The following BACE1 variants were observed in gnomAD, a reference collection of about 807,000 sequenced individuals.
BACE1 encodes the protein APP beta-secretase.
In BACE1, 21 loss-of-function variants were observed where a neutral mutation model predicts 54.0. The ratio of observed to expected loss-of-function variants is 0.39; its 90% CI spans 0.28 to 0.56. The LOEUF (loss-of-function observed/expected upper bound fraction) is 0.56. Ranked by LOEUF, BACE1 falls within the 20% of genes least tolerant of loss-of-function variation. The probability of loss-of-function intolerance (pLI) is 0.63; values close to 1 mark genes in which losing one functional copy is unlikely to be tolerated. For missense variants in BACE1, 511 were observed against 661.2 expected, an observed-to-expected ratio of 0.77 and a Z score of 2.49; for synonymous variants, 232 against 260.9, an observed-to-expected ratio of 0.89 and a Z score of 1.07.
rs1462750253 is a variant in BACE1, at chr11:117,315,731, G to A, written c.65C>T (p.Thr22Ile). The A allele has an allele frequency of 1.4e-6, 2 of 1,481,230 alleles. No individual in the cohort carries two copies. Among genetic ancestry groups the A allele is most frequent in the Non-Finnish European group, 1.8e-6 (2 of 1,119,460 alleles). 91.8% of individuals were successfully genotyped at this position (1,481,230 alleles called of 1,614,324 possible). Reference protein sequence around the residue: ...MGAGVLPAHGTQHGIRLPLRS... With the variant: ...MGAGVLPAHGIQHGIRLPLRS... ...CAGGGGCAGCCGGATGCCGTGCTGG[G>A]TGCCGTGGGCAGGCAGCACTCCCGC... The change falls in exon 1 of 9, where the codon ACC becomes ATC. Residue 22 changes from threonine (T) to isoleucine (I), a missense_variant. Coordinates refer to ENST00000313005, the MANE Select transcript of BACE1 (RefSeq NM_012104.6). The surrounding 1 kb of genome is among the most constrained non-coding windows in gnomAD (Gnocchi z 5.5).
Position 117,293,540 on chromosome 11 carries a change from T to C in BACE1, c.705+331A>G, listed in dbSNP as rs1487137838. The C allele has an allele frequency of 7.4e-6, 2 of 271,820 alleles. No homozygotes were observed. The highest frequency in any genetic ancestry group is 1.4e-5 in the Non-Finnish European group (2 of 147,818). The allele number at this position is 271,820 out of a possible 1,614,324, so 16.8% of individuals were successfully genotyped here. A position where few individuals can be genotyped will look rare whatever the true frequency, so the allele number is the denominator to read the frequency against. ...ATTGGAGAACCATTCACCATTGTTC[T>C]AATTAATTAATAAATAGACAAACTT... On this transcript the variant is annotated intron_variant, in intron 4 of 8. Coordinates refer to ENST00000313005, the MANE Select transcript of BACE1 (RefSeq NM_012104.6). This position sits in a 1 kb window ranked among gnomAD's most constrained non-coding sequence, Gnocchi z 4.1.
rs185162667 is a variant in BACE1, at chr11:117,293,524, C to A, written c.706-336G>T. ...TTTATTTTCTCTGCTTATTGGAGAA[C>A]CATTCACCATTGTTCTAATTAATTA... is the stretch of plus-strand genomic sequence containing the variant. On this transcript the variant is annotated intron_variant, in intron 4 of 8. Coordinates refer to ENST00000313005, the MANE Select transcript of BACE1 (RefSeq NM_012104.6). The surrounding 1 kb of genome is among the most constrained non-coding windows in gnomAD (Gnocchi z 4.1). 6 of 273,330 alleles carry A rather than the reference C, an allele frequency of 2.2e-5. No homozygotes were observed. In the Admixed American group the frequency reaches 3.0e-4, roughly 14 times the overall value. The allele number at this position is 273,330 out of a possible 1,614,324, so 16.9% of individuals were successfully genotyped here.
rs1343391497 is a variant in BACE1 at position 117,289,877 on chromosome 11, A to G, written c.1265-70T>C. ...AGGAGTTAACAAAAAGAACTTCCTG[A>G]TAGTGAGGCCTTGAAATTAGCCCAT... On this transcript the variant is annotated intron_variant, in intron 8 of 8. Coordinates refer to ENST00000313005, the MANE Select transcript of BACE1 (RefSeq NM_012104.6). The G allele has an allele frequency of 2.9e-6, 4 of 1,382,996 alleles. No homozygotes were observed. The East Asian group carries it at 9.3e-5, about 32-fold the overall frequency. The allele number at this position is 1,382,996 out of a possible 1,614,324, so 85.7% of individuals were successfully genotyped here.
chr11:117,289,047 T>A lies in BACE1; in HGVS notation c.*519A>T, dbSNP rs976396938. 1 of 153,974 alleles carries A rather than the reference T, an allele frequency of 6.5e-6. No homozygotes were observed. The highest frequency in any genetic ancestry group is 2.4e-5 in the African/African-American group (1 of 41,442). 9.5% of individuals were successfully genotyped at this position (153,974 alleles called of 1,614,324 possible). The stretch of plus-strand genomic sequence containing the variant: ...TTTTTTTAATTCAAGAGGCAATCTT[T>A]GCACCAATGTTAGGCTTGTTTATAC... On this transcript the variant is annotated 3_prime_UTR_variant, in exon 9 of 9. Transcript: ENST00000313005.
rs141713517 is a variant in BACE1 at position 117,298,772 on chromosome 11, G to T, written c.262-1811C>A. ...TTTGGCTAAGTGAAGATGGACAGGT[G>T]TCTTGGTGTTCCCTTCTGTCCAGCT... On this transcript the variant is annotated intron_variant, in intron 1 of 8. Transcript: ENST00000313005. Among the ~76,000 whole-genome samples the T allele has an allele frequency of 8.5e-5, 13 of 152,192 alleles. No individual in the cohort carries two copies. The South Asian group carries it at 2.7e-3, about 32-fold the overall frequency.
intron 1 of BACE1, among the ~76,000 whole-genome samples, chr11:117,311,928 C>A (rs2034951321): frequency 6.6e-6 from 1 of 152,188 alleles, no homozygotes; most frequent in Non-Finnish European, 1.5e-5. Flanking sequence ...CGTGAGCCAC[C>A]ACACACAGCC....
rs1489800169 is a variant in BACE1, at chr11:117,287,378, G to A, written c.*2188C>T. ...TGGAGAATGGGACAGTCATTTTTCA[G>A]GAGCAGAATTTAAAAATACAGATGT... On this transcript the variant is annotated 3_prime_UTR_variant, in exon 9 of 9. Coordinates refer to ENST00000313005, the MANE Select transcript of BACE1 (RefSeq NM_012104.6). The A allele has an allele frequency of 6.6e-6, 1 of 152,596 alleles. No individual in the cohort carries two copies. Among genetic ancestry groups the A allele is most frequent in the Admixed American group, 6.5e-5 (1 of 15,284 alleles). The allele number at this position is 152,596 out of a possible 1,614,324, so 9.5% of individuals were successfully genotyped here. A position where few individuals can be genotyped will look rare whatever the true frequency, so the allele number is the denominator to read the frequency against.
chr11:117,293,937 C>T lies in BACE1; in HGVS notation c.639G>A (p.Leu213=). 1.2e-6 allele frequency: 2 copies of T among 1,613,966 alleles called. No individual in the cohort carries two copies. Among genetic ancestry groups the T allele is most frequent in the Non-Finnish European group, 1.7e-6 (2 of 1,179,948 alleles). Residue 213 remains leucine, a synonymous_variant, in exon 4 of 9, where the codon CTG becomes CTA. Coordinates refer to ENST00000313005, the MANE Select transcript of BACE1 (RefSeq NM_012104.6). The surrounding 1 kb of genome is among the most constrained non-coding windows in gnomAD (Gnocchi z 4.1). The part of the protein sequence containing the change: ...KQTHVPNLFS[L]QLCGAGFPLN... ...GGGGGAAGCCAGCACCACAAAGCTG[C>T]AGGGAGAAGAGGTTGGGAACGTGGG...
At chr11:117,310,248 T>TACAGTTCTGCATTTACAACTGCCTGTCA (rs2034917442) in intron 1 of BACE1, among the ~76,000 whole-genome samples, 3 of 151,970 alleles carry the variant, frequency 2.0e-5, no homozygotes, top group Non-Finnish European at 4.4e-5. Flanking sequence ...CTCTAAGAGC[T>TACAGTTCTGCATTTACAACTGCCTGTCA]ACAGTTCTGC....
intron 1 of BACE1, among the ~76,000 whole-genome samples, chr11:117,306,854 C>T (rs1412744664): frequency 3.9e-5 from 6 of 152,068 alleles, no homozygotes; most frequent in African/African-American, 1.4e-4. Flanking sequence ...ATTCACTGAC[C>T]TTGAAAGACC....
In BACE1 at chr11:117,315,487, C is replaced by T. The variant is rs2035084926; in HGVS notation, c.261+48G>A. 1 of 1,557,314 alleles carries T rather than the reference C, an allele frequency of 6.4e-7. No individual in the cohort carries two copies. On this transcript the variant is annotated intron_variant, in intron 1 of 8. Transcript: ENST00000313005. This position sits in a 1 kb window ranked among gnomAD's most constrained non-coding sequence, Gnocchi z 5.5. ...CTTGAGGCATCCCCATCCTGTCTCC[C>T]CTCTGCTCATGCAGGCGGAGGGCTA...
chr11:117,294,936 C>G (rs1057313183), intron 3 of BACE1, among the ~76,000 whole-genome samples, 195 bp downstream of exon 3: 2 of 152,022 alleles, frequency 1.3e-5, no homozygotes. Context: ...TATTCTTGTA[C>G]CTATCACAGC....
rs2034567698 is a variant in BACE1 at position 117,295,234 on chromosome 11, G to GTGA, written c.461_463dup (p.Val154_Thr155insIle). Reference sequence around the variant, plus strand: ...GATGGCAGCAATGTTGGCACGCACAGTGACGTTGGGGCCATGGGGGATGCT... The same window carrying GTGA: ...GATGGCAGCAATGTTGGCACGCACAGTGATGACGTTGGGGCCATGGGGGATGCT... On this transcript the variant is annotated inframe_insertion, in exon 3 of 9. Coordinates refer to ENST00000313005, the MANE Select transcript of BACE1 (RefSeq NM_012104.6). 1 of 1,614,122 alleles carries GTGA rather than the reference G, an allele frequency of 6.2e-7. No individual in the cohort carries two copies. The highest frequency in any genetic ancestry group is 1.3e-5 in the African/African-American group (1 of 74,944).
intron 1 of BACE1, among the ~76,000 whole-genome samples, chr11:117,299,003 A>C (rs2034661829): frequency 6.6e-6 from 1 of 152,058 alleles, no homozygotes; most frequent in Non-Finnish European, 1.5e-5. Context: ...ACGAGGTTTC[A>C]CCACGTTGGC....
intron 2 of BACE1, 26 bp from the exon 3 acceptor site, chr11:117,295,373 G>A: frequency 1.9e-6 from 3 of 1,608,202 alleles, no homozygotes; most frequent in African/African-American, 1.3e-5. Context: ...AGAGATCTGT[G>A]GATGCATAAC....
rs561238337 is a variant in BACE1 at position 117,288,367 on chromosome 11, G to A, written c.*1199C>T. The stretch of plus-strand genomic sequence containing the variant: ...GGTAGGAAGGCAATGAAACCACTCT[G>A]AATTATGTAAAGATCTTGCTACTTC... On this transcript the variant is annotated 3_prime_UTR_variant, in exon 9 of 9. Coordinates refer to ENST00000313005, the MANE Select transcript of BACE1 (RefSeq NM_012104.6). 2.0e-5 allele frequency: 3 copies of A among 152,690 alleles called. No homozygotes were observed. The East Asian group carries it at 5.8e-4, about 29-fold the overall frequency. 9.5% of individuals were successfully genotyped at this position (152,690 alleles called of 1,614,324 possible).
rs2034744706 is a variant in BACE1 at position 117,302,395 on chromosome 11, G to A, written c.262-5434C>T. ...AAAAACCCATAAAGCTCTGCTGCCA[G>A]CCACACTGACCTCAGATATCTCAGT... On this transcript the variant is annotated intron_variant, in intron 1 of 8. Transcript: ENST00000313005. Among the ~76,000 whole-genome samples, 3 of 152,148 alleles carry A rather than the reference G, an allele frequency of 2.0e-5. No homozygotes were observed. In the South Asian group the frequency reaches 6.2e-4, roughly 32 times the overall value.
intron 1 of BACE1, among the ~76,000 whole-genome samples, chr11:117,303,101 A>G (rs2034759941): frequency 6.6e-6 from 1 of 152,194 alleles, no homozygotes; most frequent in Non-Finnish European, 1.5e-5. Flanking sequence ...TGGGGGATGG[A>G]GGGATCTCTC....
At chr11:117,305,922 G>A (rs2034824085) in intron 1 of BACE1, among the ~76,000 whole-genome samples, 1 of 152,126 alleles carries the variant, frequency 6.6e-6, no homozygotes, top group African/African-American at 2.4e-5. Flanking sequence ...TGTAGTCCCA[G>A]CTACTTGGGA....
Sources: gnomAD v4.1 joint callset for allele counts (sites outside exome capture counted in the v4.1 genomes callset) on GRCh38, gnomAD v4.1.1 for gene constraint, Gnocchi (gnomAD v3.1) non-coding constraint, MANE v1.5 for transcripts, NCBI Gene and HGNC (gene_info 2026-07-23, HGNC 2026-07-21) for gene names.